RAB3B: variants seen among roughly 807,000 people sequenced by gnomAD.
RAB3B encodes the protein RAB3B, member RAS oncogene family, also known as ras-related protein Rab-3B.
Under a neutral mutation model 20.5 loss-of-function variants are expected in RAB3B, and 11 were observed. The ratio of observed to expected loss-of-function variants is 0.54; its 90% confidence interval spans 0.34 to 0.89. The LOEUF is 0.89. Among genes scored for constraint, RAB3B ranks in the 40% least tolerant of loss-of-function variants. RAB3B has a pLI of 0.02. For missense variants in RAB3B, 225 were observed against 280.9 expected, an observed-to-expected ratio of 0.80 and a Z score of 1.42; for synonymous variants, 99 against 106.3, an observed-to-expected ratio of 0.93 and a Z score of 0.42.
rs1317974422 is a variant in RAB3B, at chr1:51,919,817, G to A, written c.*110C>T. On this transcript the variant is annotated 3_prime_UTR_variant, in exon 5 of 5. Transcript: ENST00000371655. ...AGCAGCAACTCATCTTGCTCTGAGT[G>A]TGGGCAGTGTGTAACAGGGAGAGTG... 2 of 1,125,908 alleles carry A rather than the reference G, an allele frequency of 1.8e-6. No homozygotes were observed. The highest frequency in any genetic ancestry group is 2.6e-5 in the East Asian group (1 of 38,712). 69.7% of individuals were successfully genotyped at this position (1,125,908 alleles called of 1,614,324 possible).
At position 51,984,263 on chromosome 1, in the gene RAB3B, T is replaced by TA. The variant is rs1166997647; in HGVS notation, c.-1+6288dup. Among the ~76,000 whole-genome samples, 180 of 20,664 alleles carry TA rather than the reference T, an allele frequency of 8.7e-3. 26 individuals carry two copies. The highest frequency in any genetic ancestry group is 0.024 in the African/African-American group (133 of 5,560). 13.6% of individuals were successfully genotyped at this position (20,664 alleles called of 152,430 possible). On this transcript the variant is annotated intron_variant, in intron 1 of 4. Transcript: ENST00000371655. ...CAGGCAACAGTGGAGACTCTCTAAT[T>TA]AAAAAAAAAAAAAAAAAAAAAAAAA...
chr1:51,949,232 A>C (rs1028387069), intron 2 of RAB3B, among the ~76,000 whole-genome samples: 1 of 152,220 alleles, frequency 6.6e-6, no homozygotes, highest in Admixed American at 6.5e-5. Flanking sequence ...GCATATGCTG[A>C]TCTTTGCCTG....
intron 2 of RAB3B, among the ~76,000 whole-genome samples, chr1:51,946,644 A>T (rs1445534597): frequency 6.6e-6 from 1 of 152,178 alleles, no homozygotes. Context: ...TGTGGGCAAG[A>T]CAGAAGGGGA....
At position 51,914,833 on chromosome 1, in the gene RAB3B, A is replaced by G. The variant is rs1684059472; in HGVS notation, c.*5094T>C. ...TGTTGGCAAACAAAGTCAAACAAAC[A>G]TTCCTCAGGATACTCCAGAAAACTC... On this transcript the variant is annotated 3_prime_UTR_variant, in exon 5 of 5. Coordinates refer to ENST00000371655, the MANE Select transcript of RAB3B (RefSeq NM_002867.4). The G allele has an allele frequency of 6.6e-6, 1 of 152,180 alleles. No individual in the cohort carries two copies. The highest frequency in any genetic ancestry group is 2.4e-5 in the African/African-American group (1 of 41,438). The allele number at this position is 152,180 out of a possible 1,614,324, so 9.4% of individuals were successfully genotyped here.
intron 2 of RAB3B, among the ~76,000 whole-genome samples, chr1:51,968,084 G>A (rs183889181): frequency 5.9e-5 from 9 of 152,238 alleles, no homozygotes; most frequent in Admixed American, 5.9e-4. Flanking sequence ...GATGGAAGAA[G>A]GGGCCCCAAG....
intron 2 of RAB3B, among the ~76,000 whole-genome samples, chr1:51,941,918 G>C (rs1935290): frequency 0.034 from 5,183 of 152,274 alleles, 117 homozygotes; most frequent in South Asian, 0.089. Flanking sequence ...GAATAAATGA[G>C]GTTCTGAACA....
At chr1:51,973,696 G>C (rs1364551923) in intron 2 of RAB3B, among the ~76,000 whole-genome samples, 1 of 152,148 alleles carries the variant, frequency 6.6e-6, no homozygotes, top group Non-Finnish European at 1.5e-5. Context: ...TATCCATTAT[G>C]AGGTTTCATT....
chr1:51,933,764 T>C (rs1330454938), intron 3 of RAB3B, among the ~76,000 whole-genome samples: 1 of 152,202 alleles, frequency 6.6e-6, no homozygotes, highest in East Asian at 1.9e-4. Flanking sequence ...TGTCCGTTAT[T>C]TAAGCTACCA....
chr1:51,920,149 C>A, intron 4 of RAB3B, 35 bp from the exon 5 acceptor site: 1 of 1,563,764 alleles, frequency 6.4e-7, no homozygotes, highest in South Asian at 1.2e-5. Flanking sequence ...AGGACTTTTC[C>A]CATCCCTTCT....
intron 2 of RAB3B, among the ~76,000 whole-genome samples, chr1:51,956,048 G>A (rs1167797389): frequency 6.6e-6 from 1 of 152,178 alleles, no homozygotes; most frequent in East Asian, 1.9e-4. Context: ...GAGGCAGCCT[G>A]ACAATGAATG....
chr1:51,975,991 T>TA (rs747925765), intron 2 of RAB3B, among the ~76,000 whole-genome samples: 1,863 of 135,452 alleles, frequency 0.014, 44 homozygotes, highest in African/African-American at 0.045. Context: ...GACTCCGTCT[T>TA]AAAAAAAAAA....
rs1201613631 is a variant in RAB3B, at chr1:51,939,266, T to A, written c.229-1854A>T. On this transcript the variant is annotated intron_variant, in intron 2 of 4. Transcript: ENST00000371655. Reference sequence around the variant, plus strand: ...AGCATATATAAAACATGTCCTCATATATTACCTCATTTAAATTCTATGAGA... The same window carrying A: ...AGCATATATAAAACATGTCCTCATAAATTACCTCATTTAAATTCTATGAGA... 2.0e-5 allele frequency among the ~76,000 whole-genome samples: 3 copies of A among 152,212 alleles called. No individual in the cohort carries two copies. The East Asian group carries it at 5.8e-4, about 29-fold the overall frequency.
rs1446734586 is a variant in RAB3B at position 51,911,316 on chromosome 1, T to C, written c.*8611A>G. On this transcript the variant is annotated 3_prime_UTR_variant, in exon 5 of 5. Transcript: ENST00000371655. ...GATGGAGACGAGGGTAGGCTTCTTT[T>C]CAGATTATACATTCTGGATCAGAAA... 6.6e-6 allele frequency: 1 copy of C among 152,202 alleles called. No homozygotes were observed. Among genetic ancestry groups the C allele is most frequent in the Non-Finnish European group, 1.5e-5 (1 of 68,038 alleles). The allele number at this position is 152,202 out of a possible 1,614,324, so 9.4% of individuals were successfully genotyped here.
At chr1:51,920,278 A>G (rs1386649026) in intron 4 of RAB3B, among the ~76,000 whole-genome samples, 164 bp from the exon 5 acceptor site, 1 of 152,188 alleles carries the variant, frequency 6.6e-6, no homozygotes, top group African/African-American at 2.4e-5. Context: ...GAGACGGTAC[A>G]GGGCAGGAGT....
chr1:51,930,207 T>C (rs562126372), intron 4 of RAB3B, among the ~76,000 whole-genome samples: 16 of 152,340 alleles, frequency 1.1e-4, no homozygotes, highest in South Asian at 2.1e-4. Flanking sequence ...CTAAATAAAT[T>C]TGATAGGTTT....
intron 2 of RAB3B, among the ~76,000 whole-genome samples, chr1:51,965,630 G>A (rs1269020972): frequency 6.7e-6 from 1 of 148,334 alleles, no homozygotes; most frequent in African/African-American, 2.5e-5. Context: ...CTGGGCAACA[G>A]AGCAAGGCTC....
intron 2 of RAB3B, among the ~76,000 whole-genome samples, chr1:51,938,097 G>A (rs1203513390): frequency 6.7e-6 from 1 of 150,240 alleles, no homozygotes; most frequent in Admixed American, 6.7e-5. Flanking sequence ...GAATTTCTGG[G>A]CTGAAGCAAT....
chr1:51,955,974 T>C (rs1472233141), intron 2 of RAB3B, among the ~76,000 whole-genome samples: 1 of 152,142 alleles, frequency 6.6e-6, no homozygotes, highest in Admixed American at 6.5e-5. Context: ...ACAAAGCAAA[T>C]GCCTTGAAAT....
At chr1:51,969,856 A>G (rs1684904295) in intron 2 of RAB3B, among the ~76,000 whole-genome samples, 1 of 152,144 alleles carries the variant, frequency 6.6e-6, no homozygotes, top group African/African-American at 2.4e-5. Flanking sequence ...AATAGATCCA[A>G]CTAGAGGCCA....
Sources: allele counts gnomAD v4.1 joint callset (sites outside exome capture counted in the v4.1 genomes callset), GRCh38; gene constraint gnomAD v4.1.1; transcripts MANE v1.5; gene names NCBI Gene and HGNC (gene_info 2026-07-23, HGNC 2026-07-21).